The following RPL15 variants were observed in gnomAD, a reference collection of about 807,000 sequenced individuals.
RPL15 encodes large ribosomal subunit protein eL15.
For missense variants in RPL15, 161 were observed against 271.8 expected (o/e 0.59, Z 2.87); for synonymous variants, 97 against 95.1 (o/e 1.02, Z -0.12).
In RPL15 at chr3:23,920,068, C is replaced by T. The variant is rs973428228; in HGVS notation, c.*567C>T. The T allele has an allele frequency of 1.0e-6, 1 of 985,930 alleles. No individual in the cohort carries two copies. The highest frequency in any genetic ancestry group is 1.2e-6 in the Non-Finnish European group (1 of 830,020). The allele number at this position is 985,930 out of a possible 1,614,324, so 61.1% of individuals were successfully genotyped here. A position where few individuals can be genotyped will look rare whatever the true frequency, so the allele number is the denominator to read the frequency against. ...CAGTGATTAGTGGTAATGGTAAACA[C>T]TGGTGTGTTTTGAAGTTGAATGTGC... On this transcript the variant is annotated 3_prime_UTR_variant, in exon 4 of 4. Transcript: ENST00000307839.
At chr3:23,917,515 C>T (rs532533815) in intron 1 of RPL15, 43 of 212,408 alleles carry the variant, frequency 2.0e-4, no homozygotes, top group Non-Finnish European at 2.7e-4. Context: ...GCAGCAGTAC[C>T]TTGTCCTGTG....
Position 23,919,370 on chromosome 3 carries a change from C to T in RPL15, c.484C>T (p.Arg162Cys). 1.9e-6 allele frequency: 3 copies of T among 1,602,490 alleles called. No homozygotes were observed. Among genetic ancestry groups the T allele is most frequent in the South Asian group, 1.1e-5 (1 of 91,044 alleles). ...ACCAGTCCACAAGCACAGGGAGATG[C>T]GTGGGCTGACATCTGCAGGCCGAAA... ...TKPVHKHREM[R>C]GLTSAGRKSR... is the part of the protein sequence containing the mutation. The change falls in exon 4 of 4, where the codon CGT (arginine) becomes TGT (cysteine). Residue 162 changes from arginine to cysteine, a missense_variant. By Grantham distance (180) the Arg-to-Cys change is radical (BLOSUM62 -3). Coordinates refer to ENST00000307839, the MANE Select transcript of RPL15 (RefSeq NM_002948.5).
chr3:23,920,103 A>G lies in RPL15; in HGVS notation c.*602A>G, dbSNP rs1704990129. ...TTGAAGTTGAATGTGCGATAAAATTATTAGCCTTAAGATTGGTAAGCTAGC... is the reference window on the plus strand; with the variant it reads ...TTGAAGTTGAATGTGCGATAAAATTGTTAGCCTTAAGATTGGTAAGCTAGC... On this transcript the variant is annotated 3_prime_UTR_variant, in exon 4 of 4. Transcript: ENST00000307839. The G allele has an allele frequency of 4.1e-6, 4 of 985,802 alleles. No individual in the cohort carries two copies. Among genetic ancestry groups the G allele is most frequent in the Admixed American group, 6.1e-5 (1 of 16,266 alleles). 61.1% of individuals were successfully genotyped at this position (985,802 alleles called of 1,614,324 possible).
upstream of RPL15, chr3:23,916,743 G>GACGCAC (rs1559509733): frequency 7.9e-5 from 12 of 152,718 alleles, no homozygotes; most frequent in Non-Finnish European, 1.6e-4. Context: ...CGGAGACGCA[G>GACGCAC]AGACTCCGCA....
chr3:23,917,637 G>T, intron 1 of RPL15: 1 of 502,204 alleles, frequency 2.0e-6, no homozygotes, highest in Non-Finnish European at 3.5e-6. Context: ...AAAACGTGCC[G>T]AGCACCGCTC....
At chr3:23,921,501 C>G (rs1705077712), downstream of RPL15, 1 of 667,404 alleles carries the variant, frequency 1.5e-6, no homozygotes, top group East Asian at 2.7e-5. Context: ...GACCGCCCCA[C>G]AAGCTGTTCC....
intron 2 of RPL15, 188 bp from the exon 3 acceptor site, chr3:23,918,250 AAC>A (rs1394778571): frequency 2.2e-6 from 2 of 898,936 alleles, no homozygotes; most frequent in South Asian, 1.8e-5. Context: ...AAGCAAAATA[AAC>A]AGTGTGCCTC....
At chr3:23,918,822 C>A in intron 3 of RPL15, 1 of 547,914 alleles carries the variant, frequency 1.8e-6, no homozygotes, top group South Asian at 2.5e-5. Flanking sequence ...CAGAAGAGAC[C>A]AAATGTGGCC....
rs746395128 is a variant in RPL15 at position 23,918,041 on chromosome 3, C to T, written c.172+10C>T. ...TACAAGGCCAAGCAAGGTACGTGAT[C>T]GACTGCGTGGATGCTTGGATAAAAT... On this transcript the variant is annotated intron_variant, in intron 2 of 3. Coordinates refer to ENST00000307839, the MANE Select transcript of RPL15 (RefSeq NM_002948.5). The T allele has an allele frequency of 1.4e-5, 22 of 1,603,350 alleles. No individual in the cohort carries two copies. Among genetic ancestry groups the T allele is most frequent in the Non-Finnish European group, 1.9e-5 (22 of 1,176,050 alleles).
At chr3:23,918,297 C>A in intron 2 of RPL15, 143 bp from the exon 3 acceptor site, 2 of 1,040,438 alleles carry the variant, frequency 1.9e-6, no homozygotes, top group Non-Finnish European at 2.8e-6. Flanking sequence ...TTGAAAAAGA[C>A]TGGGATGTGT....
At position 23,919,870 on chromosome 3, in the gene RPL15, G is replaced by C. The variant is rs1168727240; in HGVS notation, c.*369G>C. 2 of 1,002,142 alleles carry C rather than the reference G, an allele frequency of 2.0e-6. No homozygotes were observed. The highest frequency in any genetic ancestry group is 2.0e-4 in the East Asian group (2 of 9,822). The allele number at this position is 1,002,142 out of a possible 1,614,324, so 62.1% of individuals were successfully genotyped here. A position where few individuals can be genotyped will look rare whatever the true frequency, so the allele number is the denominator to read the frequency against. On this transcript the variant is annotated 3_prime_UTR_variant, in exon 4 of 4. Transcript: ENST00000307839. ...ATCGGAGTGATGGCAATGCTCTGCT[G>C]GTTTATTTTCAAGTGGCTGCGTTTT...
upstream of RPL15, chr3:23,916,901 AGCCGCCGAGACCTC>A (rs1436430318): frequency 6.5e-6 from 1 of 152,740 alleles, no homozygotes; most frequent in Non-Finnish European, 1.5e-5. Context: ...ACGCTCGCTT[AGCCGCCGAGACCTC>A]GCCGCCAACT....
Position 23,920,428 on chromosome 3 carries a change from A to G in RPL15, c.*927A>G, listed in dbSNP as rs370602530. ...TGCAGTTATTTCTCTTGTTCTGGCC[A>G]AACAACCCTAAAAATCCTTACCATT... On this transcript the variant is annotated 3_prime_UTR_variant, in exon 4 of 4. Transcript: ENST00000307839. 1 of 985,448 alleles carries G rather than the reference A, an allele frequency of 1.0e-6. No homozygotes were observed. The highest frequency in any genetic ancestry group is 1.7e-5 in the African/African-American group (1 of 57,370). 61.0% of individuals were successfully genotyped at this position (985,448 alleles called of 1,614,324 possible). A position where few individuals can be genotyped will look rare whatever the true frequency, so the allele number is the denominator to read the frequency against.
In RPL15 at chr3:23,920,018, T is replaced by C; in HGVS notation, c.*517T>C. Reference sequence around the variant, plus strand: ...TCACATAAAAGGTGAAAGCTCCTGGTTCAGTGCCATGGCTTCATGGCATTC... The same window carrying C: ...TCACATAAAAGGTGAAAGCTCCTGGCTCAGTGCCATGGCTTCATGGCATTC... On this transcript the variant is annotated 3_prime_UTR_variant, in exon 4 of 4. Coordinates refer to ENST00000307839, the MANE Select transcript of RPL15 (RefSeq NM_002948.5). The C allele has an allele frequency of 1.0e-6, 1 of 986,636 alleles. No individual in the cohort carries two copies. The highest frequency in any genetic ancestry group is 1.2e-6 in the Non-Finnish European group (1 of 830,534). 61.1% of individuals were successfully genotyped at this position (986,636 alleles called of 1,614,324 possible). A position where few individuals can be genotyped will look rare whatever the true frequency, so the allele number is the denominator to read the frequency against.
chr3:23,919,664 T>G lies in RPL15; in HGVS notation c.*163T>G, dbSNP rs1407347265. The G allele has an allele frequency of 4.1e-5, 58 of 1,408,438 alleles. No homozygotes were observed. The highest frequency in any genetic ancestry group is 5.2e-5 in the Non-Finnish European group (57 of 1,086,726). 87.2% of individuals were successfully genotyped at this position (1,408,438 alleles called of 1,614,324 possible). On this transcript the variant is annotated 3_prime_UTR_variant, in exon 4 of 4. Transcript: ENST00000307839. Reference sequence around the variant, plus strand: ...AATAATGTTTGAAGACAATAAGTGGTGGTGTATCTTGTTTCTAATAAGATA... The same window carrying G: ...AATAATGTTTGAAGACAATAAGTGGGGGTGTATCTTGTTTCTAATAAGATA...
rs1575122549 is a variant in RPL15 at position 23,919,950 on chromosome 3, G to A, written c.*449G>A. ...GTTGGGCTTTAGAAAATCTGGGTTA[G>A]CCTGAAGAAAATTGCCTCAGCCTCC... On this transcript the variant is annotated 3_prime_UTR_variant, in exon 4 of 4. Transcript: ENST00000307839. 1 of 988,666 alleles carries A rather than the reference G, an allele frequency of 1.0e-6. No individual in the cohort carries two copies. The highest frequency in any genetic ancestry group is 1.2e-6 in the Non-Finnish European group (1 of 831,956). The allele number at this position is 988,666 out of a possible 1,614,324, so 61.2% of individuals were successfully genotyped here.
intron 1 of RPL15, 74 bp from the exon 2 acceptor site, chr3:23,917,776 A>T: frequency 7.0e-7 from 1 of 1,419,554 alleles, no homozygotes; most frequent in South Asian, 1.4e-5. Flanking sequence ...TTGTTGGGGA[A>T]CTAAGATGGA....
chr3:23,918,373 A>G, intron 2 of RPL15, 67 bp from the exon 3 acceptor site: 1 of 1,537,130 alleles, frequency 6.5e-7, no homozygotes, highest in Non-Finnish European at 8.8e-7. Context: ...TATTAGTGAC[A>G]AGCCATTGAG....
At chr3:23,918,100 G>A (rs1704772636) in intron 2 of RPL15, 69 bp downstream of exon 2, 3 of 1,537,538 alleles carry the variant, frequency 2.0e-6, no homozygotes, top group Non-Finnish European at 2.6e-6. Context: ...CAGCTGTTAG[G>A]AAGACACTGC....
Sources: allele counts gnomAD v4.1 joint callset, GRCh38; gene constraint gnomAD v4.1.1; transcripts MANE v1.5; gene names NCBI Gene and HGNC (gene_info 2026-07-23, HGNC 2026-07-21).